Variants in PRKN observed in about 807,000 individuals in gnomAD.
The protein encoded by PRKN is parkin RBR E3 ubiquitin protein ligase.
Under a neutral mutation model 59.5 loss-of-function variants are expected in PRKN, and 56 were observed. That is an observed-to-expected ratio of 0.94 (90% CI 0.76 to 1.18). The LOEUF is 1.18. Ranked by LOEUF, PRKN falls within the 50% of genes most tolerant of loss-of-function variation. PRKN has a pLI of 0.00. For synonymous variants in PRKN, 250 were observed against 222.1 expected, an observed-to-expected ratio of 1.13 and a Z score of -1.12; for missense variants, 657 against 596.4, an observed-to-expected ratio of 1.10 and a Z score of -1.06.
At chr6:162,218,198 G>T (rs2128079105) in intron 3 of PRKN, among the ~76,000 whole-genome samples, 1 of 152,318 alleles carries the variant, frequency 6.6e-6, no homozygotes, top group Admixed American at 6.5e-5. Context: ...AGGCGGTGCT[G>T]ACCAGGCCGC....
At chr6:162,225,624 GCTC>G (rs1778137325) in intron 3 of PRKN, among the ~76,000 whole-genome samples, 1 of 152,072 alleles carries the variant, frequency 6.6e-6, no homozygotes, top group African/African-American at 2.4e-5. Flanking sequence ...GCACCTTGGA[GCTC>G]CTCATCTCTG....
At chr6:161,671,465 G>T (rs73786421) in intron 7 of PRKN, among the ~76,000 whole-genome samples, 7,966 of 152,212 alleles carry the variant, frequency 0.052, 318 homozygotes, top group African/African-American at 0.1. Flanking sequence ...CTATGAGTCG[G>T]AGTATTCAAC....
chr6:162,177,518 ATAACTTATTTTTCTCATTT>A (rs756798543), intron 4 of PRKN, among the ~76,000 whole-genome samples: 43 of 152,342 alleles, frequency 2.8e-4, no homozygotes, highest in Non-Finnish European at 1.0e-4. Context: ...TGGTATAACT[ATAACTTATTTTTCTCATTT>A]AAAAATATTC....
At chr6:162,255,828 G>A (rs959963525) in intron 3 of PRKN, among the ~76,000 whole-genome samples, 3 of 152,136 alleles carry the variant, frequency 2.0e-5, no homozygotes, top group Non-Finnish European at 4.4e-5. Context: ...TATTCAGTGC[G>A]TAGTATATAC....
intron 2 of PRKN, among the ~76,000 whole-genome samples, chr6:162,351,874 G>A (rs1386616877): frequency 1.3e-5 from 2 of 151,934 alleles, no homozygotes; most frequent in Non-Finnish European, 2.9e-5. Flanking sequence ...TAAAATATAT[G>A]TAACTTTTCT....
chr6:162,058,513 TC>T (rs1184490652), intron 4 of PRKN, among the ~76,000 whole-genome samples: 1 of 152,180 alleles, frequency 6.6e-6, no homozygotes, highest in Non-Finnish European at 1.5e-5. Context: ...CACCGAAAAG[TC>T]CCTGCGTTTA....
intron 4 of PRKN, among the ~76,000 whole-genome samples, chr6:162,158,809 T>C (rs1782637277): frequency 6.6e-6 from 1 of 151,980 alleles, no homozygotes. Flanking sequence ...TGGTCCATGT[T>C]ACTTGGGACT....
intron 1 of PRKN, among the ~76,000 whole-genome samples, chr6:162,645,367 G>A (rs1428867963): frequency 6.6e-6 from 1 of 152,140 alleles, no homozygotes; most frequent in Non-Finnish European, 1.5e-5. Context: ...GCTGATTTTT[G>A]TGCATCAAGA....
rs1352492549 is a variant in PRKN at position 161,457,084 on chromosome 6, C to T, written c.1084-70207G>A. 5.3e-5 allele frequency among the ~76,000 whole-genome samples: 8 copies of T among 152,224 alleles called. No homozygotes were observed. The South Asian group carries it at 8.3e-4, about 16-fold the overall frequency. ...CCTCCTTTAACAAATATCCACTGAG[C>T]GTCTTCGCTACGCAAGGCTCTCTTC... On this transcript the variant is annotated intron_variant, in intron 9 of 11. Coordinates refer to ENST00000366898, the MANE Select transcript of PRKN (RefSeq NM_004562.3). This position sits in a 1 kb window ranked among gnomAD's most constrained non-coding sequence, Gnocchi z 5.0.
chr6:162,628,736 T>C (rs1424015874), intron 1 of PRKN, among the ~76,000 whole-genome samples: 1 of 152,156 alleles, frequency 6.6e-6, no homozygotes, highest in Non-Finnish European at 1.5e-5. Flanking sequence ...TGCATTATTT[T>C]CAAGCACTAG....
intron 3 of PRKN, among the ~76,000 whole-genome samples, chr6:162,244,159 G>T (rs969583534): frequency 6.6e-6 from 1 of 152,082 alleles, no homozygotes; most frequent in Admixed American, 6.6e-5. Context: ...GCAGCTAAGT[G>T]GTTACGAATA....
chr6:161,780,239 T>G (rs1030401934), intron 7 of PRKN, among the ~76,000 whole-genome samples: 43 of 152,174 alleles, frequency 2.8e-4, no homozygotes, highest in African/African-American at 1.0e-3. Context: ...GAACTAGGCT[T>G]TTCTGAGGTG....
Position 161,591,888 on chromosome 6 carries a change from T to C in PRKN, c.872-22472A>G, listed in dbSNP as rs1250930677. ...TTTCTAACAGGATATTGAATATGCA[T>C]TTTTTTTTTAAGAATCCAAGCCTTA... On this transcript the variant is annotated intron_variant, in intron 7 of 11. Coordinates refer to ENST00000366898, the MANE Select transcript of PRKN (RefSeq NM_004562.3). Among the ~76,000 whole-genome samples, 15 of 149,028 alleles carry C rather than the reference T, an allele frequency of 1.0e-4. No individual in the cohort carries two copies. The Admixed American group carries it at 1.0e-3, about 10-fold the overall frequency.
At chr6:162,543,726 T>G (rs1779011411) in intron 1 of PRKN, among the ~76,000 whole-genome samples, 1 of 152,172 alleles carries the variant, frequency 6.6e-6, no homozygotes, top group African/African-American at 2.4e-5. Flanking sequence ...TGGCTGACCC[T>G]GAGCTTGTGG....
intron 6 of PRKN, among the ~76,000 whole-genome samples, chr6:161,909,548 G>A (rs1778277080): frequency 6.6e-6 from 1 of 152,126 alleles, no homozygotes; most frequent in Non-Finnish European, 1.5e-5. Flanking sequence ...AGAGTAATAG[G>A]GCCTGAGGAA....
chr6:162,176,522 T>G (rs914300709), intron 4 of PRKN, among the ~76,000 whole-genome samples: 2 of 152,144 alleles, frequency 1.3e-5, no homozygotes, highest in African/African-American at 4.8e-5. Context: ...GGCCATCTAT[T>G]CAAAGAAATG....
chr6:162,340,390 T>A (rs917182488), intron 2 of PRKN, among the ~76,000 whole-genome samples: 2 of 152,160 alleles, frequency 1.3e-5, no homozygotes, highest in African/African-American at 4.8e-5. Flanking sequence ...GGTTTGTGAA[T>A]AAAAAATATA....
At chr6:161,712,738 A>G (rs1786801896) in intron 7 of PRKN, among the ~76,000 whole-genome samples, 1 of 152,172 alleles carries the variant, frequency 6.6e-6, no homozygotes, top group South Asian at 2.1e-4. Flanking sequence ...TGTCATGACT[A>G]TCTCACAGAT....
rs1321367507 is a variant in PRKN at position 161,582,314 on chromosome 6, TAG to T, written c.872-12900_872-12899del. ...ACATTGAGATTACCTTGAAACAATT[TAG>T]AGTCTCTAAAGTTGAAAGTTCTTCT... On this transcript the variant is annotated intron_variant, in intron 7 of 11. Coordinates refer to ENST00000366898, the MANE Select transcript of PRKN (RefSeq NM_004562.3). The surrounding 1 kb of genome is among the most constrained non-coding windows in gnomAD (Gnocchi z 4.4). 4.6e-5 allele frequency among the ~76,000 whole-genome samples: 7 copies of T among 152,276 alleles called. No homozygotes were observed. The East Asian group carries it at 1.4e-3, about 29-fold the overall frequency.
Sources: gnomAD v4.1 joint callset for allele counts (sites outside exome capture counted in the v4.1 genomes callset) on GRCh38, gnomAD v4.1.1 for gene constraint, Gnocchi (gnomAD v3.1) non-coding constraint, MANE v1.5 for transcripts, NCBI Gene and HGNC (gene_info 2026-07-23, HGNC 2026-07-21) for gene names.